ACOT1: variants seen among roughly 807,000 people sequenced by gnomAD.
ACOT1 encodes the protein acyl-coenzyme A thioesterase 1.
ACOT1 carries 8 observed loss-of-function variants against 15.7 expected under a neutral mutation model. The ratio of observed to expected loss-of-function variants is 0.51; its 90% CI spans 0.30 to 0.92. The LOEUF (loss-of-function observed/expected upper bound fraction) is 0.92, where lower values mean the gene tolerates loss of function less well. ACOT1 is among the 40% of genes least tolerant of loss of function. The pLI, the probability that ACOT1 is intolerant of heterozygous loss-of-function variation, is 0.06. For synonymous variants in ACOT1, 67 were observed against 241.2 expected, an observed-to-expected ratio of 0.28 and a Z score of 6.69; for missense variants, 151 against 539.4, an observed-to-expected ratio of 0.28 and a Z score of 7.13.
At position 73,538,492 on chromosome 14, in the gene ACOT1, C is replaced by A. The variant is rs1241386768; in HGVS notation, c.457+614C>A. On this transcript the variant is annotated intron_variant, in intron 1 of 2. Transcript: ENST00000311148. ...GCCGGGCGTGGTAGCGGGCGCCTGT[C>A]GTCCCAGCTACTCGGGACGCTGAGG... Among the ~76,000 whole-genome samples the A allele has an allele frequency of 3.6e-4, 40 of 110,710 alleles. 8 individuals carry two copies. Among genetic ancestry groups the A allele is most frequent in the African/African-American group, 1.2e-3 (39 of 33,864 alleles). The allele number at this position is 110,710 out of a possible 152,430, so 72.6% of individuals were successfully genotyped here.
the ACOT1 span, among the ~76,000 whole-genome samples, chr14:73,524,308 A>T: frequency 0.03 from 2,499 of 82,742 alleles, 33 homozygotes; most frequent in Middle Eastern, 0.074. Context: ...AAAAAAAAAA[A>T]AAATATATAT....
chr14:73,493,449 G>A, the ACOT1 span: 19 of 265,816 alleles, frequency 7.1e-5, no homozygotes, highest in Non-Finnish European at 1.1e-4. Context: ...ATGCAGGAGC[G>A]GGAGGAAGAT....
the ACOT1 span, chr14:73,500,664 C>T: frequency 6.2e-7 from 1 of 1,614,184 alleles, no homozygotes; most frequent in Non-Finnish European, 8.5e-7. Flanking sequence ...CGGTCATAAG[C>T]TTGAGCTCAC....
upstream of ACOT1, among the ~76,000 whole-genome samples, chr14:73,536,516 T>TA (rs543491523): frequency 0.12 from 7,213 of 59,220 alleles, 1,300 homozygotes; most frequent in East Asian, 0.23. Context: ...CCTGTCTCTT[T>TA]AAAAAAAAAA....
the ACOT1 span, among the ~76,000 whole-genome samples, chr14:73,510,523 C>T: frequency 6.6e-6 from 1 of 152,068 alleles, no homozygotes; most frequent in Admixed American, 6.6e-5. Context: ...GCAACTTCTG[C>T]TTCCTGGGTT....
the ACOT1 span, among the ~76,000 whole-genome samples, chr14:73,523,885 T>C: frequency 9.2e-5 from 14 of 152,340 alleles, no homozygotes; most frequent in Non-Finnish European, 1.6e-4. Flanking sequence ...CCTCGCATTG[T>C]TAAATATTTG....
At chr14:73,521,118 T>G in the ACOT1 span, 2 of 1,240,602 alleles carry the variant, frequency 1.6e-6, no homozygotes, top group Non-Finnish European at 2.3e-6. Context: ...CCACAGCTCG[T>G]TCCCTTTCCT....
the ACOT1 span, among the ~76,000 whole-genome samples, chr14:73,524,305 A>AAAG: frequency 9.0e-6 from 1 of 110,814 alleles, no homozygotes; most frequent in African/African-American, 4.0e-5. Context: ...AAAAAAAAAA[A>AAAG]AAAAAATATA....
the ACOT1 span, among the ~76,000 whole-genome samples, chr14:73,510,213 G>A: frequency 2.6e-5 from 4 of 151,852 alleles, no homozygotes; most frequent in African/African-American, 9.7e-5. Flanking sequence ...TTATAATATA[G>A]TGTTTTTACA....
At chr14:73,509,842 ATATATATATATATATATATATATATATT>A in the ACOT1 span, among the ~76,000 whole-genome samples, 25 of 70,036 alleles carry the variant, frequency 3.6e-4, no homozygotes, top group South Asian at 1.0e-3. Flanking sequence ...ATATATATAT[ATATATATATATATATATATATATATATT>A]TATTTATTTT....
At chr14:73,492,635 G>A in the ACOT1 span, 1 of 1,614,000 alleles carries the variant, frequency 6.2e-7, no homozygotes, top group Non-Finnish European at 8.5e-7. This position sits in a 1 kb window ranked among gnomAD's most constrained non-coding sequence, Gnocchi z 4.9. Context: ...AAACGTGGGG[G>A]CCCAGTTGAC....
chr14:73,502,169 C>G, the ACOT1 span, among the ~76,000 whole-genome samples: 1 of 151,512 alleles, frequency 6.6e-6, no homozygotes, highest in South Asian at 2.1e-4. Flanking sequence ...ATTGGGATTA[C>G]AGGCGTGTGC....
the ACOT1 span, chr14:73,491,175 T>C: frequency 1.9e-6 from 3 of 1,601,192 alleles, no homozygotes; most frequent in African/African-American, 2.7e-5. Context: ...ATGGCAGCGC[T>C]GAGGACGCAG....
the ACOT1 span, chr14:73,514,369 C>G: frequency 1.4e-6 from 1 of 727,160 alleles, no homozygotes; most frequent in Non-Finnish European, 2.3e-6. Flanking sequence ...TGAATTTCCC[C>G]ATGATTATAT....
chr14:73,525,934 C>CA, the ACOT1 span, among the ~76,000 whole-genome samples: 1 of 138,994 alleles, frequency 7.2e-6, no homozygotes, highest in Non-Finnish European at 1.5e-5. Context: ...GCCTGGGTGA[C>CA]AGAGTGAGAC....
chr14:73,526,258 G>C, the ACOT1 span, among the ~76,000 whole-genome samples: 9 of 152,334 alleles, frequency 5.9e-5, no homozygotes, highest in African/African-American at 4.8e-5. Flanking sequence ...CTCTGGGCCA[G>C]AGGAGAATCC....
chr14:73,509,185 A>G, the ACOT1 span: 2 of 952,384 alleles, frequency 2.1e-6, no homozygotes, highest in South Asian at 1.5e-5. Context: ...CAAATGGTCT[A>G]ACATAAATCT....
At chr14:73,509,257 A>G in the ACOT1 span, 1 of 1,523,272 alleles carries the variant, frequency 6.6e-7, no homozygotes, top group Admixed American at 1.7e-5. Flanking sequence ...GGGAAAGCTG[A>G]TAGTGAGATG....
chr14:73,517,955 G>A, the ACOT1 span, among the ~76,000 whole-genome samples: 94 of 152,206 alleles, frequency 6.2e-4, 2 homozygotes, highest in Middle Eastern at 0.01. Context: ...GTGTGGTGGC[G>A]CGCACCTGTA....
Sources: allele counts gnomAD v4.1 joint callset (sites outside exome capture counted in the v4.1 genomes callset), GRCh38; gene constraint gnomAD v4.1.1; non-coding constraint Gnocchi (gnomAD v3.1); transcripts MANE v1.5; gene names NCBI Gene and HGNC (gene_info 2026-07-23, HGNC 2026-07-21).